SEMA3A: variants seen among roughly 807,000 people sequenced by gnomAD.
SEMA3A encodes semaphorin 3A, also known as semaphorin-3A.
A neutral mutation model predicts 97.9 loss-of-function variants in SEMA3A; 29 were observed. The observed-to-expected ratio is 0.30, with a 90% CI of 0.22 to 0.40. SEMA3A has a LOEUF of 0.40. SEMA3A is among the 10% of genes least tolerant of loss of function. The pLI is 1.00. For missense variants in SEMA3A, 763 were observed against 951.3 expected, an observed-to-expected ratio of 0.80 and a Z score of 2.60; for synonymous variants, 321 against 323.7, an observed-to-expected ratio of 0.99 and a Z score of 0.09.
At chr7:84,320,536 A>G (rs865989112) in intron 2 of SEMA3A, among the ~76,000 whole-genome samples, 11 of 152,218 alleles carry the variant, frequency 7.2e-5, no homozygotes, top group African/African-American at 2.7e-4. Flanking sequence ...ATGTAAAATT[A>G]TTTATAAAAA....
chr7:84,054,705 G>A (rs1478307654), intron 5 of SEMA3A, among the ~76,000 whole-genome samples: 11 of 141,686 alleles, frequency 7.8e-5, no homozygotes, highest in Admixed American at 1.4e-4. Context: ...CTCTCAGCTC[G>A]TCAAAGTCAT....
chr7:84,453,487 C>T (rs1805614344), intron 1 of SEMA3A, among the ~76,000 whole-genome samples: 1 of 152,064 alleles, frequency 6.6e-6, no homozygotes, highest in Non-Finnish European at 1.5e-5. Flanking sequence ...CCGCCCACCT[C>T]GTCCTCCCAA....
chr7:84,477,123 A>G (rs1361545102), intron 1 of SEMA3A, among the ~76,000 whole-genome samples: 7 of 149,630 alleles, frequency 4.7e-5, no homozygotes, highest in Admixed American at 4.7e-4. Flanking sequence ...ATATGTTTAC[A>G]TCACTATTTC....
At chr7:84,324,312 T>C (rs993931358) in intron 2 of SEMA3A, among the ~76,000 whole-genome samples, 3 of 152,154 alleles carry the variant, frequency 2.0e-5, no homozygotes, top group Non-Finnish European at 4.4e-5. Flanking sequence ...CAAATCTTGT[T>C]CATTAGTGCA....
intron 4 of SEMA3A, among the ~76,000 whole-genome samples, chr7:84,087,231 G>T (rs1794409822): frequency 6.6e-6 from 1 of 152,084 alleles, no homozygotes. Context: ...TTCAAATCAT[G>T]GCTCTGTGAT....
chr7:84,482,481 G>A (rs1417642925), intron 1 of SEMA3A, among the ~76,000 whole-genome samples: 1 of 152,192 alleles, frequency 6.6e-6, no homozygotes, highest in South Asian at 2.1e-4. Context: ...CATAGTAAAT[G>A]AAGCTAAAAT....
chr7:84,103,196 A>G (rs985069832), intron 4 of SEMA3A, among the ~76,000 whole-genome samples: 5 of 152,028 alleles, frequency 3.3e-5, no homozygotes, highest in African/African-American at 1.2e-4. Flanking sequence ...TAATTCTCTC[A>G]CCATTTTTCT....
intron 2 of SEMA3A, among the ~76,000 whole-genome samples, chr7:84,321,446 A>G (rs1278671231): frequency 1.3e-5 from 2 of 152,218 alleles, no homozygotes; most frequent in African/African-American, 4.8e-5. Flanking sequence ...AGCATAAGAA[A>G]GTAAAATACA....
At chr7:84,414,273 T>C (rs1226375584) in intron 1 of SEMA3A, among the ~76,000 whole-genome samples, 2 of 151,946 alleles carry the variant, frequency 1.3e-5, no homozygotes, top group Non-Finnish European at 2.9e-5. Flanking sequence ...TAAACTCCCC[T>C]AACCATTTCC....
intron 2 of SEMA3A, among the ~76,000 whole-genome samples, chr7:84,325,935 A>T (rs1801765638): frequency 6.6e-6 from 1 of 151,982 alleles, no homozygotes; most frequent in Non-Finnish European, 1.5e-5. Flanking sequence ...ACTAGTATCC[A>T]CTGTTCTGCT....
At chr7:84,353,422 G>T (rs1178943410) in intron 2 of SEMA3A, among the ~76,000 whole-genome samples, 1 of 151,394 alleles carries the variant, frequency 6.6e-6, no homozygotes, top group African/African-American at 2.4e-5. Context: ...TAATTTTAAT[G>T]TTTCTCAGAA....
At chr7:84,045,550 G>T (rs117025591) in intron 6 of SEMA3A, among the ~76,000 whole-genome samples, 1,657 of 151,636 alleles carry the variant, frequency 0.011, 15 homozygotes, top group Non-Finnish European at 0.017. Context: ...GATATAAAAG[G>T]ATTGCTTAGT....
chr7:84,002,845 A>AAAG (rs1406155887), intron 11 of SEMA3A, among the ~76,000 whole-genome samples: 1 of 152,162 alleles, frequency 6.6e-6, no homozygotes, highest in African/African-American at 2.4e-5. Flanking sequence ...TGCATTGTTA[A>AAAG]AAGAGACAAC....
chr7:84,146,683 C>T (rs780031905), intron 1 of SEMA3A, among the ~76,000 whole-genome samples: 16 of 152,158 alleles, frequency 1.1e-4, no homozygotes, highest in Non-Finnish European at 1.9e-4. Context: ...ATCGGTCACT[C>T]GTTTTTGTGT....
chr7:84,418,302 C>G (rs1054343099), intron 1 of SEMA3A, among the ~76,000 whole-genome samples: 2 of 152,070 alleles, frequency 1.3e-5, no homozygotes, highest in Non-Finnish European at 2.9e-5. Flanking sequence ...ATCTGACATG[C>G]TGGCAGACAA....
Position 84,131,895 on chromosome 7 carries a change from T to A in SEMA3A, c.271-2710A>T, listed in dbSNP as rs1257714297. ...GCAGGCTTGACCTCCAGGGCAATGA[T>A]TGTCCTGCCGCAGCCTTTAGGCTAG... On this transcript the variant is annotated intron_variant, in intron 2 of 16. Transcript: ENST00000265362. Among the ~76,000 whole-genome samples, 3 of 152,162 alleles carry A rather than the reference T, an allele frequency of 2.0e-5. No individual in the cohort carries two copies. In the East Asian group the frequency reaches 5.8e-4, roughly 29 times the overall value.
chr7:84,314,184 T>C (rs903407962), intron 2 of SEMA3A, among the ~76,000 whole-genome samples: 4 of 152,146 alleles, frequency 2.6e-5, no homozygotes, highest in African/African-American at 7.2e-5. Context: ...TTTAATAGTC[T>C]GATGTCTATA....
intron 1 of SEMA3A, among the ~76,000 whole-genome samples, chr7:84,396,907 T>A (rs1348706509): frequency 6.6e-6 from 1 of 152,064 alleles, no homozygotes; most frequent in Non-Finnish European, 1.5e-5. Flanking sequence ...AAATGGTAGA[T>A]AATAAACAAT....
At chr7:84,425,929 C>A (rs139392069) in intron 1 of SEMA3A, among the ~76,000 whole-genome samples, 1 of 150,932 alleles carries the variant, frequency 6.6e-6, no homozygotes, top group East Asian at 1.9e-4. Context: ...TCTTTTGCAG[C>A]AACTAGGATG....
Sources: gnomAD v4.1 joint callset for allele counts (sites outside exome capture counted in the v4.1 genomes callset) on GRCh38, gnomAD v4.1.1 for gene constraint, MANE v1.5 for transcripts, NCBI Gene and HGNC (gene_info 2026-07-23, HGNC 2026-07-21) for gene names.